Variants in AOPEP observed in about 807,000 individuals in gnomAD.
AOPEP encodes aminopeptidase O (putative).
In AOPEP, 77 loss-of-function variants were observed where a neutral mutation model predicts 98.1. The observed-to-expected ratio is 0.78, with a 90% CI of 0.65 to 0.95. The LOEUF (loss-of-function observed/expected upper bound fraction) is 0.95. Among genes scored for constraint, AOPEP ranks in the 40% least tolerant of loss-of-function variants. The pLI is 0.00. For missense variants in AOPEP, 1,024 were observed against 1,024.7 expected (o/e 1.00, Z 0.01); for synonymous variants, 346 against 365.3 (o/e 0.95, Z 0.60).
At chr9:94,890,802 G>T (rs1400015334) in intron 5 of AOPEP, among the ~76,000 whole-genome samples, 1 of 152,072 alleles carries the variant, frequency 6.6e-6, no homozygotes, top group African/African-American at 2.4e-5. Context: ...ATTCCATTAA[G>T]GCCAGAGAAT....
At chr9:94,932,849 T>G in intron 7 of AOPEP, 1 of 985,086 alleles carries the variant, frequency 1.0e-6, no homozygotes, top group African/African-American at 1.7e-5. Flanking sequence ...ATTGACTTCC[T>G]TGTAAGTCAT....
intron 11 of AOPEP, among the ~76,000 whole-genome samples, chr9:94,995,302 A>G (rs1258425182): frequency 6.6e-6 from 1 of 152,186 alleles, no homozygotes; most frequent in East Asian, 1.9e-4. Flanking sequence ...CTGAGGGGAA[A>G]GAGGAAGGGA....
chr9:95,102,240 A>C, the AOPEP span, among the ~76,000 whole-genome samples: 10 of 152,202 alleles, frequency 6.6e-5, no homozygotes, highest in Admixed American at 6.5e-4. Flanking sequence ...CTTTCTGCAA[A>C]AGGCTCACAC....
At chr9:94,956,056 AG>A (rs1458249208) in intron 9 of AOPEP, 41 bp downstream of exon 9, 2 of 1,182,538 alleles carry the variant, frequency 1.7e-6, no homozygotes. Flanking sequence ...GTATGACTGG[AG>A]GGGGTATGGC....
chr9:94,803,479 A>T (rs1310595096), intron 5 of AOPEP, among the ~76,000 whole-genome samples: 1 of 152,218 alleles, frequency 6.6e-6, no homozygotes, highest in Non-Finnish European at 1.5e-5. Context: ...TACGTATCAT[A>T]GTTTTTATTG....
chr9:94,778,123 A>C lies in AOPEP; in HGVS notation c.964+4955A>C, dbSNP rs72747058. Among the ~76,000 whole-genome samples, 802 of 152,344 alleles carry C rather than the reference A, an allele frequency of 5.3e-3. 12 individuals are homozygous for C. The highest frequency in any genetic ancestry group is 0.044 in the South Asian group (211 of 4,830). On this transcript the variant is annotated intron_variant, in intron 3 of 16. Transcript: ENST00000375315. ...GTATTTTACACCTAGTTAGAGGGCT[A>C]AAATTAAAAGGACAGAAAATACCAA...
At chr9:95,040,300 T>C (rs1180521517) in intron 13 of AOPEP, among the ~76,000 whole-genome samples, 1 of 152,248 alleles carries the variant, frequency 6.6e-6, no homozygotes, top group Non-Finnish European at 1.5e-5. Context: ...TTATTATGCA[T>C]TTTATTACTC....
chr9:95,114,611 T>A, the AOPEP span: 1 of 1,605,090 alleles, frequency 6.2e-7, no homozygotes, highest in South Asian at 1.1e-5. Context: ...GATTTGGGAG[T>A]GGTCAGTGTT....
At chr9:94,957,066 C>T (rs765362633) in intron 9 of AOPEP, among the ~76,000 whole-genome samples, 4 of 152,196 alleles carry the variant, frequency 2.6e-5, no homozygotes, top group Non-Finnish European at 5.9e-5. Flanking sequence ...CTGCTTGAAG[C>T]CACTTCTCAC....
chr9:94,870,695 C>T (rs538558884), intron 5 of AOPEP, among the ~76,000 whole-genome samples: 4 of 152,268 alleles, frequency 2.6e-5, no homozygotes, highest in Non-Finnish European at 5.9e-5. Context: ...ACTAGATGTA[C>T]GCTGTGACAT....
intron 5 of AOPEP, among the ~76,000 whole-genome samples, chr9:94,810,460 GC>G (rs1850291910): frequency 6.6e-6 from 1 of 151,748 alleles, no homozygotes; most frequent in Non-Finnish European, 1.5e-5. Context: ...GATTACAGGT[GC>G]GCGCCACCAC....
At chr9:95,110,508 G>C in the AOPEP span, 7 of 1,030,584 alleles carry the variant, frequency 6.8e-6, no homozygotes, top group Non-Finnish European at 8.2e-6. Context: ...ACATACGTGG[G>C]TTATAATTTT....
At chr9:95,031,435 C>T (rs1253320300) in intron 13 of AOPEP, among the ~76,000 whole-genome samples, 3 of 152,100 alleles carry the variant, frequency 2.0e-5, no homozygotes, top group African/African-American at 7.2e-5. Flanking sequence ...CAGAACACGA[C>T]GTCATCTAGG....
At chr9:94,829,255 A>G (rs1232232954) in intron 5 of AOPEP, among the ~76,000 whole-genome samples, 1 of 152,128 alleles carries the variant, frequency 6.6e-6, no homozygotes, top group Non-Finnish European at 1.5e-5. Flanking sequence ...ATAAATACAT[A>G]TAAAAAAGCT....
intron 3 of AOPEP, among the ~76,000 whole-genome samples, chr9:94,791,194 A>G (rs1845634076): frequency 6.6e-6 from 1 of 152,218 alleles, no homozygotes; most frequent in Non-Finnish European, 1.5e-5. Context: ...TTGCAGCAAC[A>G]TGGATGGGGC....
chr9:95,060,842 C>CAGGT (rs759820913), intron 14 of AOPEP, 32 bp downstream of exon 14: 2 of 1,323,494 alleles, frequency 1.5e-6, no homozygotes, highest in Non-Finnish European at 2.2e-6. Flanking sequence ...GTTTAACCAG[C>CAGGT]AGGTCCCCAC....
Position 94,991,786 on chromosome 9 carries a change from G to A in AOPEP, c.1977+12359G>A, listed in dbSNP as rs151094707. Among the ~76,000 whole-genome samples, 328 of 152,094 alleles carry A rather than the reference G, an allele frequency of 2.2e-3. 6 individuals are homozygous for A. The highest frequency in any genetic ancestry group is 1.7e-3 in the Non-Finnish European group (118 of 68,008). Reference sequence around the variant, plus strand: ...CCTCTTCCACTAGATATTTCTAAACGGTAGCCCTATGTATCTAGATGGAAT... The same window carrying A: ...CCTCTTCCACTAGATATTTCTAAACAGTAGCCCTATGTATCTAGATGGAAT... On this transcript the variant is annotated intron_variant, in intron 11 of 16. Transcript: ENST00000375315.
chr9:94,885,300 G>A (rs1233389748), intron 5 of AOPEP, among the ~76,000 whole-genome samples: 2 of 114,274 alleles, frequency 1.8e-5, no homozygotes, highest in African/African-American at 6.7e-5. Context: ...AGTGAGCCAA[G>A]ATCATACAAC....
At chr9:94,769,344 T>C (rs1840341775) in intron 2 of AOPEP, among the ~76,000 whole-genome samples, 1 of 152,158 alleles carries the variant, frequency 6.6e-6, no homozygotes, top group Non-Finnish European at 1.5e-5. Context: ...AGCCATTGGT[T>C]ATAAAGACTC....
Sources: gnomAD v4.1 joint callset for allele counts (sites outside exome capture counted in the v4.1 genomes callset) on GRCh38, gnomAD v4.1.1 for gene constraint, MANE v1.5 for transcripts, NCBI Gene and HGNC (gene_info 2026-07-23, HGNC 2026-07-21) for gene names.